The following UGT2A2 variants were observed in gnomAD, a reference collection of about 807,000 sequenced individuals.
UGT2A2 encodes UDP-glucuronosyltransferase 2A2.
In UGT2A2, 60 loss-of-function variants were observed where a neutral mutation model predicts 50.7. The observed-to-expected ratio is 1.18, with a 90% CI of 0.96 to 1.47. The LOEUF is 1.47. UGT2A2 is among the 40% of genes most tolerant of loss of function. The pLI is 0.00. For missense variants in UGT2A2, 762 were observed against 634.0 expected (o/e 1.20, Z -2.17); for synonymous variants, 242 against 214.6 (o/e 1.13, Z -1.11).
intron 1 of UGT2A2, among the ~76,000 whole-genome samples, chr4:69,622,159 T>C (rs1284670206): frequency 1.3e-5 from 2 of 151,770 alleles, no homozygotes; most frequent in Admixed American, 1.3e-4. Context: ...AACCAAAAGG[T>C]TTTTATTTTT....
At chr4:69,597,830 GTGAT>G (rs1363804523) in intron 2 of UGT2A2, among the ~76,000 whole-genome samples, 3 of 152,084 alleles carry the variant, frequency 2.0e-5, no homozygotes, top group African/African-American at 7.2e-5. Context: ...TGTGTACCCA[GTGAT>G]TGGCGTAATT....
chr4:69,613,570 A>G (rs948845161), intron 1 of UGT2A2, among the ~76,000 whole-genome samples: 2 of 152,018 alleles, frequency 1.3e-5, no homozygotes, highest in Non-Finnish European at 2.9e-5. Context: ...AGACACAAAC[A>G]TCTTAACAAA....
intron 1 of UGT2A2, among the ~76,000 whole-genome samples, chr4:69,637,779 ATTG>A (rs1721793775): frequency 6.6e-6 from 1 of 152,100 alleles, no homozygotes; most frequent in African/African-American, 2.4e-5. Context: ...TGTTTTGCTT[ATTG>A]TTGTATTCCT....
chr4:69,628,227 C>T (rs1721194325), intron 1 of UGT2A2, among the ~76,000 whole-genome samples: 1 of 151,714 alleles, frequency 6.6e-6, no homozygotes, highest in Admixed American at 6.6e-5. Context: ...ATTAAAATCC[C>T]ACTGGCATTT....
At chr4:69,633,751 T>C (rs148002971) in intron 1 of UGT2A2, among the ~76,000 whole-genome samples, 5 of 152,226 alleles carry the variant, frequency 3.3e-5, no homozygotes, top group Non-Finnish European at 7.4e-5. Context: ...GGAAAATTGA[T>C]CCATGGTTTC....
At chr4:69,594,885 T>C (rs1173116114) in intron 4 of UGT2A2, among the ~76,000 whole-genome samples, 189 bp from the exon 5 acceptor site, 5 of 152,166 alleles carry the variant, frequency 3.3e-5, no homozygotes, top group Non-Finnish European at 7.4e-5. Flanking sequence ...ATTAACAGCA[T>C]TTGCATTTTC....
intron 1 of UGT2A2, among the ~76,000 whole-genome samples, chr4:69,629,679 C>A (rs1410282556): frequency 2.0e-5 from 3 of 152,034 alleles, no homozygotes; most frequent in East Asian, 3.9e-4. Context: ...TTAAATAAAT[C>A]CTGTACAACT....
intron 1 of UGT2A2, among the ~76,000 whole-genome samples, chr4:69,621,707 T>C (rs2109937364): frequency 6.6e-6 from 1 of 152,018 alleles, no homozygotes; most frequent in African/African-American, 2.4e-5. Flanking sequence ...CATGTGAATG[T>C]TCATTTCAGC....
At chr4:69,600,748 G>T (rs1055864238) in intron 1 of UGT2A2, among the ~76,000 whole-genome samples, 1 of 151,960 alleles carries the variant, frequency 6.6e-6, no homozygotes, top group African/African-American at 2.4e-5. Context: ...AGAGCAGCAG[G>T]TTGTTTTGCA....
At chr4:69,636,814 ATCC>A (rs550957071) in intron 1 of UGT2A2, among the ~76,000 whole-genome samples, 137 of 152,268 alleles carry the variant, frequency 9.0e-4, no homozygotes, top group African/African-American at 3.2e-3. Context: ...ATATCATATG[ATCC>A]TCCTAACGAA....
Position 69,611,949 on chromosome 4 carries a change from T to C in UGT2A2, c.743-12555A>G, listed in dbSNP as rs143873536. Among the ~76,000 whole-genome samples, 781 of 152,206 alleles carry C rather than the reference T, an allele frequency of 5.1e-3. 9 individuals are homozygous for C. The highest frequency in any genetic ancestry group is 0.017 in the African/African-American group (714 of 41,560). On this transcript the variant is annotated intron_variant, in intron 1 of 5. Coordinates refer to ENST00000604629, the MANE Select transcript of UGT2A2 (RefSeq NM_001105677.2). ...AAATAAATTCCATTACATGGAAATG[T>C]ATAGCAAGAAAAATTTCCTCTGTTG...
At chr4:69,635,711 C>A in intron 1 of UGT2A2, 2 of 276,244 alleles carry the variant, frequency 7.2e-6, no homozygotes, top group Non-Finnish European at 1.5e-5. Context: ...CCTGTAATCC[C>A]AACTACAATG....
At chr4:69,617,733 C>T (rs4148290) in intron 1 of UGT2A2, among the ~76,000 whole-genome samples, 53,354 of 151,492 alleles carry the variant, frequency 0.35, 9,743 homozygotes, top group African/African-American at 0.43. Context: ...TGGGAGTTAA[C>T]ATTTCTAAAA....
intron 5 of UGT2A2, among the ~76,000 whole-genome samples, chr4:69,590,309 A>G (rs539952249): frequency 6.6e-6 from 1 of 152,362 alleles, no homozygotes; most frequent in African/African-American, 2.4e-5. Flanking sequence ...TCAACTTGCC[A>G]TCACAATAGA....
intron 1 of UGT2A2, among the ~76,000 whole-genome samples, chr4:69,626,421 A>T (rs1333288123): frequency 6.6e-6 from 1 of 151,322 alleles, no homozygotes; most frequent in Non-Finnish European, 1.5e-5. Flanking sequence ...CTATTATTGG[A>T]CCACCTACTA....
rs1157878205 is a variant in UGT2A2, at chr4:69,624,753, T to G, written c.742+14146A>C. 2.0e-5 allele frequency among the ~76,000 whole-genome samples: 3 copies of G among 151,450 alleles called. No individual in the cohort carries two copies. In the Admixed American group the frequency reaches 2.0e-4, roughly 10 times the overall value. ...TGTTATTGTTGCCATACAGTTTACT[T>G]CTATGTATTACAACTTCACAATACA... On this transcript the variant is annotated intron_variant, in intron 1 of 5. Transcript: ENST00000604629.
At chr4:69,606,253 G>T (rs933108187) in intron 1 of UGT2A2, among the ~76,000 whole-genome samples, 1 of 136,352 alleles carries the variant, frequency 7.3e-6, no homozygotes, top group Admixed American at 7.2e-5. Context: ...TCCCTGGGAC[G>T]CAAGGCTGGG....
chr4:69,624,428 T>A (rs1375700828), intron 1 of UGT2A2, among the ~76,000 whole-genome samples: 1 of 151,494 alleles, frequency 6.6e-6, no homozygotes, highest in Admixed American at 6.6e-5. Context: ...AATGTCTAAC[T>A]ATTGGTGAGG....
rs546684239 is a variant in UGT2A2, at chr4:69,594,119, C to T, written c.1331+358G>A. 8.5e-4 allele frequency among the ~76,000 whole-genome samples: 129 copies of T among 151,778 alleles called. 1 individual carries two copies. In the South Asian group the frequency reaches 0.025, roughly 30 times the overall value. On this transcript the variant is annotated intron_variant, in intron 5 of 5. Coordinates refer to ENST00000604629, the MANE Select transcript of UGT2A2 (RefSeq NM_001105677.2). Reference sequence around the variant, plus strand: ...CCTCCTGAGTAGCTGGGACTACAGGCGCCCACTATCATACCCGGCTAAATT... The same window carrying T: ...CCTCCTGAGTAGCTGGGACTACAGGTGCCCACTATCATACCCGGCTAAATT...
Sources: allele counts gnomAD v4.1 joint callset (sites outside exome capture counted in the v4.1 genomes callset), GRCh38; gene constraint gnomAD v4.1.1; transcripts MANE v1.5; gene names NCBI Gene and HGNC (gene_info 2026-07-23, HGNC 2026-07-21).